TRAM2: variants seen among roughly 807,000 people sequenced by gnomAD.
TRAM2 encodes translocation associated membrane protein 2.
A neutral mutation model predicts 51.0 loss-of-function variants in TRAM2; 12 were observed. The observed-to-expected ratio is 0.24, with a 90% confidence interval of 0.15 to 0.38. TRAM2 has a LOEUF of 0.38. Ranked by LOEUF, TRAM2 falls within the 10% of genes least tolerant of loss-of-function variation. The probability of loss-of-function intolerance (pLI) is 1.00; values close to 1 mark genes in which losing one functional copy is unlikely to be tolerated. For missense variants in TRAM2, 361 were observed against 462.0 expected, an observed-to-expected ratio of 0.78 and a Z score of 2.00; for synonymous variants, 175 against 179.4, an observed-to-expected ratio of 0.98 and a Z score of 0.20.
chr6:52,529,112 C>T (rs1766838202), intron 2 of TRAM2, among the ~76,000 whole-genome samples: 1 of 152,026 alleles, frequency 6.6e-6, no homozygotes, highest in Non-Finnish European at 1.5e-5. Context: ...AGGATGGTCT[C>T]GATCTCCTGA....
intron 2 of TRAM2, among the ~76,000 whole-genome samples, chr6:52,522,436 C>T (rs1485380133): frequency 2.6e-5 from 4 of 152,194 alleles, no homozygotes; most frequent in Non-Finnish European, 4.4e-5. Context: ...GTGACTAATT[C>T]GAAATTTTTA....
intron 1 of TRAM2, among the ~76,000 whole-genome samples, chr6:52,539,462 A>C (rs2268727): frequency 0.14 from 21,680 of 152,236 alleles, 1,627 homozygotes; most frequent in African/African-American, 0.17. Context: ...CGTATCAGGG[A>C]AAACCTGAAC....
At chr6:52,509,500 C>T (rs368908755) in intron 5 of TRAM2, 28 bp downstream of exon 5, 45 of 1,611,494 alleles carry the variant, frequency 2.8e-5, no homozygotes, top group Non-Finnish European at 3.8e-5. Context: ...GTCGCTCCTC[C>T]CTGGGGCTGA....
rs1050299027 is a variant in TRAM2, at chr6:52,500,519, TTTTTTTTTG to T, written c.*2669_*2677del. On this transcript the variant is annotated 3_prime_UTR_variant, in exon 11 of 11. Transcript: ENST00000182527. ...GCCAGCCCCACTCATGGTCTCAGGG[TTTTTTTTTG>T]TTTTTTTTTTTTTTTTTACATAAAA... The T allele has an allele frequency of 3.8e-5, 3 of 78,712 alleles. No homozygotes were observed. The highest frequency in any genetic ancestry group is 2.5e-4 in the East Asian group (1 of 4,020). 4.9% of individuals were successfully genotyped at this position (78,712 alleles called of 1,614,324 possible). A position where few individuals can be genotyped will look rare whatever the true frequency, so the allele number is the denominator to read the frequency against.
intron 1 of TRAM2, among the ~76,000 whole-genome samples, chr6:52,543,337 A>G (rs540502417): frequency 6.6e-6 from 1 of 152,220 alleles, no homozygotes; most frequent in Non-Finnish European, 1.5e-5. Context: ...TACATAAAAA[A>G]TTTTAAATGC....
rs1301828400 is a variant in TRAM2 at position 52,497,435 on chromosome 6, A to G, written c.*5762T>C. The G allele has an allele frequency of 6.6e-6, 1 of 152,658 alleles. No individual in the cohort carries two copies. The highest frequency in any genetic ancestry group is 1.5e-5 in the Non-Finnish European group (1 of 68,044). The allele number at this position is 152,658 out of a possible 1,614,324, so 9.5% of individuals were successfully genotyped here. A position where few individuals can be genotyped will look rare whatever the true frequency, so the allele number is the denominator to read the frequency against. Reference sequence around the variant, plus strand: ...ATTTTCTGCCTTTTATTGTTATTTCAGAAAATATTTGATCATTTGTTCCAA... The same window carrying G: ...ATTTTCTGCCTTTTATTGTTATTTCGGAAAATATTTGATCATTTGTTCCAA... On this transcript the variant is annotated 3_prime_UTR_variant, in exon 11 of 11. Transcript: ENST00000182527.
chr6:52,571,556 A>T (rs9296684), intron 1 of TRAM2, among the ~76,000 whole-genome samples: 145,157 of 152,260 alleles, frequency 0.95, 69,213 homozygotes, highest in East Asian at 1. Context: ...TCCACAAAGT[A>T]AATAGTGGCA....
At position 52,502,675 on chromosome 6, in the gene TRAM2, C is replaced by G. The variant is rs918290860; in HGVS notation, c.*522G>C. On this transcript the variant is annotated 3_prime_UTR_variant, in exon 11 of 11. Transcript: ENST00000182527. ...AATCAGCACCAAGGAGATTATGATC[C>G]GAGATGGCCGCTCTCTTCTTGCCCA... 6.4e-6 allele frequency: 1 copy of G among 156,384 alleles called. No individual in the cohort carries two copies. The highest frequency in any genetic ancestry group is 1.4e-5 in the Non-Finnish European group (1 of 70,870). The allele number at this position is 156,384 out of a possible 1,614,324, so 9.7% of individuals were successfully genotyped here. A position where few individuals can be genotyped will look rare whatever the true frequency, so the allele number is the denominator to read the frequency against.
chr6:52,563,672 G>A (rs957715403), intron 1 of TRAM2, among the ~76,000 whole-genome samples: 5 of 145,488 alleles, frequency 3.4e-5, no homozygotes, highest in African/African-American at 1.3e-4. Context: ...TCCAGCCTGG[G>A]GGACAGAGCG....
chr6:52,508,334 C>CA lies in TRAM2; in HGVS notation c.471-17dup. Reference sequence around the variant, plus strand: ...CACCTGGAAGCTGGAGACAAGGGGGCAAGTCACACGGGCAGGATAGAGAAA... The same window carrying CA: ...CACCTGGAAGCTGGAGACAAGGGGGCAAAGTCACACGGGCAGGATAGAGAAA... On this transcript the variant is annotated splice_polypyrimidine_tract_variant and intron_variant, in intron 5 of 10. Transcript: ENST00000182527. The CA allele has an allele frequency of 6.2e-7, 1 of 1,612,456 alleles. No homozygotes were observed. The highest frequency in any genetic ancestry group is 8.5e-7 in the Non-Finnish European group (1 of 1,179,314).
At chr6:52,503,780 T>A (rs1766286504) in intron 10 of TRAM2, among the ~76,000 whole-genome samples, 1 of 152,176 alleles carries the variant, frequency 6.6e-6, no homozygotes, top group South Asian at 2.1e-4. Context: ...GACACTCCTC[T>A]GGCAGAAAAA....
intron 1 of TRAM2, among the ~76,000 whole-genome samples, chr6:52,567,916 C>G (rs985297537): frequency 6.6e-6 from 1 of 152,248 alleles, no homozygotes; most frequent in African/African-American, 2.4e-5. Flanking sequence ...AGCTACTACT[C>G]CTAAATCTAT....
intron 2 of TRAM2, chr6:52,523,387 T>A: frequency 6.6e-6 from 1 of 151,044 alleles, no homozygotes; most frequent in Non-Finnish European, 1.5e-5. Context: ...CGAGTAGAAA[T>A]GAACAAAGGA....
At chr6:52,513,295 A>G (rs1562476717) in intron 4 of TRAM2, among the ~76,000 whole-genome samples, 2 of 152,184 alleles carry the variant, frequency 1.3e-5, no homozygotes, top group East Asian at 3.8e-4. Context: ...AAAACAACCA[A>G]TTCATTACTT....
intron 2 of TRAM2, among the ~76,000 whole-genome samples, chr6:52,521,316 T>C (rs1272477818): frequency 6.6e-6 from 1 of 152,164 alleles, no homozygotes; most frequent in Non-Finnish European, 1.5e-5. Flanking sequence ...TGGACCTTTG[T>C]CCCCTTCCAG....
At chr6:52,573,496 A>T (rs978422484) in intron 1 of TRAM2, among the ~76,000 whole-genome samples, 1 of 152,172 alleles carries the variant, frequency 6.6e-6, no homozygotes, top group African/African-American at 2.4e-5. Context: ...GTGGCTGCAC[A>T]GAGCAGCTTC....
intron 1 of TRAM2, among the ~76,000 whole-genome samples, chr6:52,558,646 T>C (rs1234390909): frequency 6.6e-6 from 1 of 152,190 alleles, no homozygotes; most frequent in Admixed American, 6.5e-5. Context: ...ACTCACTGTA[T>C]GAAATCTGGT....
chr6:52,540,191 GA>G (rs1439031048), intron 1 of TRAM2, among the ~76,000 whole-genome samples: 1 of 151,524 alleles, frequency 6.6e-6, no homozygotes, highest in Non-Finnish European at 1.5e-5. Context: ...TTGGGGCACA[GA>G]GAGATAAAGT....
Position 52,576,942 on chromosome 6 carries a change from G to C in TRAM2, c.-27C>G, listed in dbSNP as rs1318057821. ...GCAGCGGGCGCGCAGCGGCCGGCGG[G>C]GCCCGCACCCTGCGCTCACGAACCG... On this transcript the variant is annotated 5_prime_UTR_variant, in exon 1 of 11. Transcript: ENST00000182527. 2 of 1,593,250 alleles carry C rather than the reference G, an allele frequency of 1.3e-6. No homozygotes were observed. The highest frequency in any genetic ancestry group is 1.7e-6 in the Non-Finnish European group (2 of 1,171,540).
Sources: gnomAD v4.1 joint callset for allele counts (sites outside exome capture counted in the v4.1 genomes callset) on GRCh38, gnomAD v4.1.1 for gene constraint, MANE v1.5 for transcripts, NCBI Gene and HGNC (gene_info 2026-07-23, HGNC 2026-07-21) for gene names.